Variants in RERG observed in about 807,000 individuals in gnomAD.
RERG encodes the protein ras-related and estrogen-regulated growth inhibitor.
In RERG, 25 loss-of-function variants were observed where a neutral mutation model predicts 23.2. That is an observed-to-expected ratio of 1.08 (90% CI 0.79 to 1.50). The LOEUF is 1.50. Ranked by LOEUF, RERG falls within the 40% of genes most tolerant of loss-of-function variation. RERG has a pLI of 0.00. For synonymous variants in RERG, 81 were observed against 89.1 expected, an observed-to-expected ratio of 0.91 and a Z score of 0.51; for missense variants, 253 against 250.1, an observed-to-expected ratio of 1.01 and a Z score of -0.08.
intron 2 of RERG, among the ~76,000 whole-genome samples, chr12:15,202,082 C>G (rs1325796527): frequency 6.6e-6 from 1 of 151,724 alleles, no homozygotes; most frequent in Non-Finnish European, 1.5e-5. Context: ...CTTTGTTGTC[C>G]TTTTAAACAT....
intron 2 of RERG, among the ~76,000 whole-genome samples, chr12:15,132,978 C>A (rs1306968558): frequency 1.5e-5 from 2 of 129,744 alleles, no homozygotes; most frequent in African/African-American, 2.8e-5. Context: ...GCCCTCCCTG[C>A]CCCCGCCCTG....
intron 2 of RERG, among the ~76,000 whole-genome samples, chr12:15,129,241 A>G (rs548402770): frequency 3.3e-5 from 5 of 152,042 alleles, no homozygotes; most frequent in African/African-American, 1.2e-4. Flanking sequence ...GCTGTTCTGG[A>G]AGGGAATGGA....
intron 2 of RERG, among the ~76,000 whole-genome samples, chr12:15,136,909 A>T (rs930093730): frequency 5.3e-5 from 8 of 151,978 alleles, no homozygotes; most frequent in African/African-American, 1.9e-4. Context: ...GATGTCAGTT[A>T]TATCTAGTTT....
At chr12:15,140,237 C>T (rs538921546) in intron 2 of RERG, among the ~76,000 whole-genome samples, 20 of 152,144 alleles carry the variant, frequency 1.3e-4, no homozygotes, top group African/African-American at 4.6e-4. Context: ...TAAAAGGCAC[C>T]CCTGAGAGTT....
intron 2 of RERG, among the ~76,000 whole-genome samples, chr12:15,166,537 G>GTT (rs1864693799): frequency 6.6e-6 from 1 of 151,276 alleles, no homozygotes; most frequent in Admixed American, 6.6e-5. Flanking sequence ...TGGTGGTGGT[G>GTT]GTGGTAGTGG....
rs114998470 is a variant in RERG at position 15,134,767 on chromosome 12, A to G, written c.62-13648T>C. Among the ~76,000 whole-genome samples the G allele has an allele frequency of 1.6e-3, 236 of 152,108 alleles. 2 individuals carry two copies. The highest frequency in any genetic ancestry group is 5.4e-3 in the African/African-American group (223 of 41,488). On this transcript the variant is annotated intron_variant, in intron 2 of 4. Transcript: ENST00000256953. ...GTAGCTGGGATTATAAGCATGCACC[A>G]CCATGCCCTAATTTTTGTATTTTGG...
intron 2 of RERG, among the ~76,000 whole-genome samples, chr12:15,178,268 A>T (rs1864878880): frequency 6.6e-6 from 1 of 152,216 alleles, no homozygotes; most frequent in Non-Finnish European, 1.5e-5. Context: ...TAAATAAAAC[A>T]TGCGACCTCT....
chr12:15,159,651 G>A (rs758398983), intron 2 of RERG, among the ~76,000 whole-genome samples: 1 of 152,096 alleles, frequency 6.6e-6, no homozygotes, highest in Admixed American at 6.5e-5. Context: ...GTGAAACCCC[G>A]TCTCTACTAA....
chr12:15,129,959 A>G (rs1864015803), intron 2 of RERG, among the ~76,000 whole-genome samples: 1 of 152,294 alleles, frequency 6.6e-6, no homozygotes, highest in East Asian at 1.9e-4. Flanking sequence ...ACATGAAATA[A>G]AAGTCTGGGG....
At chr12:15,155,431 A>G (rs1171213480) in intron 2 of RERG, 1 of 152,234 alleles carries the variant, frequency 6.6e-6, no homozygotes. Flanking sequence ...GGTAGAGGCA[A>G]TCACAAAAGT....
At chr12:15,111,554 A>G in intron 3 of RERG, 137 bp from the exon 4 acceptor site, 1 of 638,422 alleles carries the variant, frequency 1.6e-6, no homozygotes, top group East Asian at 2.8e-5. Flanking sequence ...TAGGAAAGAG[A>G]GGAGAGATGT....
chr12:15,177,194 T>G (rs1174433427), intron 2 of RERG, among the ~76,000 whole-genome samples: 1 of 152,244 alleles, frequency 6.6e-6, no homozygotes, highest in African/African-American at 2.4e-5. Context: ...GGCTCACACC[T>G]GTAATCCTAG....
chr12:15,114,013 A>T (rs566595100), intron 3 of RERG, among the ~76,000 whole-genome samples: 1 of 152,236 alleles, frequency 6.6e-6, no homozygotes, highest in East Asian at 1.9e-4. Flanking sequence ...TGGCACCACA[A>T]GTCACTTAGG....
chr12:15,200,414 A>G (rs1865199984), intron 2 of RERG, among the ~76,000 whole-genome samples: 1 of 152,240 alleles, frequency 6.6e-6, no homozygotes, highest in South Asian at 2.1e-4. Flanking sequence ...TTACAGAATG[A>G]AAACATAGCA....
At chr12:15,213,364 C>T (rs906317120) in intron 2 of RERG, among the ~76,000 whole-genome samples, 10 of 152,320 alleles carry the variant, frequency 6.6e-5, no homozygotes, top group African/African-American at 2.2e-4. Flanking sequence ...CTGATGCACA[C>T]AAGTAAGGAA....
intron 1 of RERG, 141 bp from the exon 2 acceptor site, chr12:15,217,744 T>A (rs1865462469): frequency 2.5e-6 from 1 of 396,224 alleles, no homozygotes; most frequent in East Asian, 4.8e-5. Context: ...GAGAAGTCTA[T>A]GGTAACTTAC....
chr12:15,175,392 G>A (rs1864836942), intron 2 of RERG, among the ~76,000 whole-genome samples: 1 of 107,288 alleles, frequency 9.3e-6, no homozygotes, highest in Non-Finnish European at 2.0e-5. Context: ...TGTGTGTTGG[G>A]GCATGCTTTC....
intron 2 of RERG, among the ~76,000 whole-genome samples, chr12:15,214,111 A>G (rs1007485868): frequency 6.6e-6 from 1 of 152,036 alleles, no homozygotes; most frequent in African/African-American, 2.4e-5. Flanking sequence ...GAATGCAAGT[A>G]TATCTTTAAT....
At chr12:15,126,757 C>T (rs1178312936) in intron 2 of RERG, among the ~76,000 whole-genome samples, 2 of 140,658 alleles carry the variant, frequency 1.4e-5, no homozygotes, top group African/African-American at 2.7e-5. Context: ...GAGTCTCGCT[C>T]TGTCGCCCAG....
Sources: gnomAD v4.1 joint callset for allele counts (sites outside exome capture counted in the v4.1 genomes callset) on GRCh38, gnomAD v4.1.1 for gene constraint, MANE v1.5 for transcripts, NCBI Gene and HGNC (gene_info 2026-07-23, HGNC 2026-07-21) for gene names.